DKK2: variants seen among roughly 807,000 people sequenced by gnomAD.
DKK2 encodes dickkopf-related protein 2.
Under a neutral mutation model 28.1 loss-of-function variants are expected in DKK2, and 11 were observed. The ratio of observed to expected loss-of-function variants is 0.39; its 90% confidence interval spans 0.25 to 0.65. The LOEUF (loss-of-function observed/expected upper bound fraction) is 0.65, where lower values mean the gene tolerates loss of function less well. Ranked by LOEUF, DKK2 falls within the 30% of genes least tolerant of loss-of-function variation. DKK2 has a pLI of 0.47. For missense variants in DKK2, 326 were observed against 335.5 expected (o/e 0.97, Z 0.22); for synonymous variants, 135 against 126.5 (o/e 1.07, Z -0.45).
chr4:107,014,404 T>A (rs1723560127), intron 1 of DKK2, among the ~76,000 whole-genome samples: 1 of 151,484 alleles, frequency 6.6e-6, no homozygotes, highest in Admixed American at 6.6e-5. Context: ...ACAAATGCTG[T>A]ATTATTTCAC....
intron 1 of DKK2, among the ~76,000 whole-genome samples, chr4:106,970,299 C>T (rs535231138): frequency 2.0e-5 from 3 of 152,184 alleles, no homozygotes; most frequent in African/African-American, 7.2e-5. Flanking sequence ...TTTTTGAATG[C>T]ACACATAACA....
chr4:106,994,491 CCACACACACACACA>C (rs112978532), intron 1 of DKK2, among the ~76,000 whole-genome samples: 1 of 145,740 alleles, frequency 6.9e-6, no homozygotes, highest in African/African-American at 2.5e-5. Context: ...CACATGTACA[CCACACACACACACA>C]CACACACACA....
chr4:106,996,853 T>C (rs59497758), intron 1 of DKK2, among the ~76,000 whole-genome samples: 7,783 of 152,208 alleles, frequency 0.051, 315 homozygotes, highest in African/African-American at 0.11. Context: ...ACTTACTATG[T>C]TAAAAATAAA....
intron 1 of DKK2, among the ~76,000 whole-genome samples, chr4:106,986,382 T>C (rs1723121041): frequency 6.6e-6 from 1 of 152,202 alleles, no homozygotes; most frequent in Admixed American, 6.5e-5. Flanking sequence ...AATTGTTTAG[T>C]TGAATGGAAG....
chr4:106,935,322 A>G (rs1017150112), intron 1 of DKK2, among the ~76,000 whole-genome samples: 2 of 152,234 alleles, frequency 1.3e-5, no homozygotes, highest in African/African-American at 4.8e-5. Context: ...GGGGTCAGGG[A>G]GTTCCCTTTC....
At chr4:106,979,416 T>C (rs531018216) in intron 1 of DKK2, among the ~76,000 whole-genome samples, 2 of 151,978 alleles carry the variant, frequency 1.3e-5, no homozygotes, top group Admixed American at 6.6e-5. Context: ...ATTCCCTGAG[T>C]TCTAATCAGA....
chr4:106,939,003 T>C (rs927780949), intron 1 of DKK2, among the ~76,000 whole-genome samples: 7 of 152,004 alleles, frequency 4.6e-5, no homozygotes, highest in Non-Finnish European at 8.8e-5. Flanking sequence ...ACAGCCAATA[T>C]CATACTGAAT....
At chr4:107,003,062 A>G (rs575804654) in intron 1 of DKK2, among the ~76,000 whole-genome samples, 2 of 152,328 alleles carry the variant, frequency 1.3e-5, no homozygotes, top group African/African-American at 4.8e-5. Flanking sequence ...AGTCTACTGG[A>G]ACCTTGTTCC....
intron 1 of DKK2, among the ~76,000 whole-genome samples, chr4:106,936,342 G>A (rs963975470): frequency 1.4e-4 from 22 of 152,286 alleles, no homozygotes; most frequent in African/African-American, 4.3e-4. Context: ...GAGCCGATGC[G>A]ATCAACTGGA....
chr4:106,994,516 CACAT>C (rs1054453115), intron 1 of DKK2, among the ~76,000 whole-genome samples: 4 of 151,174 alleles, frequency 2.6e-5, no homozygotes, highest in East Asian at 1.9e-4. Context: ...CACACACACA[CACAT>C]AGGACAAGTT....
At position 106,935,600 on chromosome 4, in the gene DKK2, G is replaced by A. The variant is rs538073919; in HGVS notation, c.223-9651C>T. Among the ~76,000 whole-genome samples the A allele has an allele frequency of 8.5e-5, 13 of 152,340 alleles. No homozygotes were observed. The South Asian group carries it at 2.7e-3, about 32-fold the overall frequency. Reference sequence around the variant, plus strand: ...CCAAAGCAGCCTGGAAGCTCCAACTGGGTGGAGCCCACCACAGCTCAAGGA... The same window carrying A: ...CCAAAGCAGCCTGGAAGCTCCAACTAGGTGGAGCCCACCACAGCTCAAGGA... On this transcript the variant is annotated intron_variant, in intron 1 of 3. Coordinates refer to ENST00000285311, the MANE Select transcript of DKK2 (RefSeq NM_014421.3).
intron 1 of DKK2, among the ~76,000 whole-genome samples, chr4:106,940,795 T>C (rs1488860222): frequency 6.6e-6 from 1 of 152,210 alleles, no homozygotes; most frequent in Non-Finnish European, 1.5e-5. Flanking sequence ...AAGGATGGGT[T>C]CATGTCCTTT....
At chr4:106,987,699 C>T (rs1326992855) in intron 1 of DKK2, among the ~76,000 whole-genome samples, 2 of 152,100 alleles carry the variant, frequency 1.3e-5, no homozygotes, top group African/African-American at 2.4e-5. Flanking sequence ...TTCTCTGAAA[C>T]CCTGGGGCTG....
At chr4:106,984,414 T>C (rs532030323) in intron 1 of DKK2, among the ~76,000 whole-genome samples, 6 of 152,200 alleles carry the variant, frequency 3.9e-5, no homozygotes, top group Non-Finnish European at 7.3e-5. Flanking sequence ...CCTATTCTAG[T>C]TACTGCTTAT....
intron 1 of DKK2, among the ~76,000 whole-genome samples, chr4:106,978,062 A>C (rs1722971111): frequency 2.0e-5 from 3 of 152,336 alleles, no homozygotes; most frequent in South Asian, 4.1e-4. Flanking sequence ...GGATATCACC[A>C]GCAGAGGCTG....
intron 1 of DKK2, among the ~76,000 whole-genome samples, chr4:106,938,911 AC>A (rs1474236051): frequency 4.6e-5 from 7 of 151,006 alleles, no homozygotes; most frequent in South Asian, 4.2e-4. Flanking sequence ...AAATTCAACA[AC>A]CCTTCATGCT....
At chr4:107,013,697 C>T (rs1723546730) in intron 1 of DKK2, among the ~76,000 whole-genome samples, 1 of 151,268 alleles carries the variant, frequency 6.6e-6, no homozygotes, top group Admixed American at 6.6e-5. Context: ...CATGGGATTG[C>T]ATCAAACTAA....
intron 1 of DKK2, among the ~76,000 whole-genome samples, chr4:106,990,496 A>G (rs894160208): frequency 6.6e-6 from 1 of 152,240 alleles, no homozygotes; most frequent in African/African-American, 2.4e-5. Flanking sequence ...CAAAGGGATT[A>G]ATATCTACAA....
chr4:106,983,106 A>C (rs1486237172), intron 1 of DKK2, among the ~76,000 whole-genome samples: 1 of 151,834 alleles, frequency 6.6e-6, no homozygotes, highest in East Asian at 1.9e-4. Context: ...CTAAATTTTT[A>C]GAAATCAGAA....
Sources: allele counts gnomAD v4.1 joint callset (sites outside exome capture counted in the v4.1 genomes callset), GRCh38; gene constraint gnomAD v4.1.1; transcripts MANE v1.5; gene names NCBI Gene and HGNC (gene_info 2026-07-23, HGNC 2026-07-21).